Variants in AGXT2 observed in about 807,000 individuals in gnomAD.
AGXT2 encodes alanine--glyoxylate aminotransferase 2, mitochondrial.
AGXT2 carries 61 observed loss-of-function variants against 62.5 expected under a neutral mutation model. That is an observed-to-expected ratio of 0.98 (90% CI 0.79 to 1.21). The LOEUF (loss-of-function observed/expected upper bound fraction) is 1.21. Among genes scored for constraint, AGXT2 ranks in the 50% most tolerant of loss-of-function variants. The probability of loss-of-function intolerance (pLI) is 0.00; values close to 1 mark genes in which losing one functional copy is unlikely to be tolerated. For missense variants in AGXT2, 666 were observed against 641.5 expected (o/e 1.04, Z -0.41); for synonymous variants, 243 against 218.7 (o/e 1.11, Z -0.98).
chr5:35,006,896 C>T (rs1356359604), intron 12 of AGXT2, among the ~76,000 whole-genome samples: 1 of 152,136 alleles, frequency 6.6e-6, no homozygotes. Context: ...ACACAAAGCA[C>T]TTACCATCTG....
chr5:35,017,082 C>G (rs1766870339), intron 9 of AGXT2, among the ~76,000 whole-genome samples: 1 of 152,148 alleles, frequency 6.6e-6, no homozygotes, highest in East Asian at 1.9e-4. Flanking sequence ...ATTAAGATGA[C>G]TTGTGTAAGA....
In AGXT2 at chr5:35,004,492, T is replaced by G. The variant is rs114882522; in HGVS notation, c.1339-631A>C. ...AGCCATTCAGAGCAGGTCCCCTCCC[T>G]GTGGGGTCAGACATTGGGCTGACTT... On this transcript the variant is annotated intron_variant, in intron 12 of 13. Coordinates refer to ENST00000231420, the MANE Select transcript of AGXT2 (RefSeq NM_031900.4). 7.5e-3 allele frequency among the ~76,000 whole-genome samples: 1,146 copies of G among 152,306 alleles called. 15 individuals are homozygous for G. The highest frequency in any genetic ancestry group is 0.027 in the African/African-American group (1,106 of 41,560).
intron 1 of AGXT2, among the ~76,000 whole-genome samples, chr5:35,042,888 G>A (rs901629594): frequency 2.0e-5 from 3 of 152,148 alleles, no homozygotes; most frequent in Non-Finnish European, 2.9e-5. Context: ...TTAACTAATC[G>A]GATAGTGCCT....
At chr5:35,003,727 C>T in intron 13 of AGXT2, 36 bp downstream of exon 13, 1 of 1,569,778 alleles carries the variant, frequency 6.4e-7, no homozygotes, top group South Asian at 1.1e-5. Flanking sequence ...GAGACTCCTA[C>T]CTAGAGCGAT....
intron 12 of AGXT2, among the ~76,000 whole-genome samples, chr5:35,005,151 G>A (rs542529797): frequency 6.6e-6 from 1 of 152,318 alleles, no homozygotes; most frequent in Admixed American, 6.5e-5. Flanking sequence ...CATTAAATAT[G>A]ATTTGAGAGG....
At chr5:35,038,256 CA>C (rs1185134749) in intron 3 of AGXT2, among the ~76,000 whole-genome samples, 2 of 152,156 alleles carry the variant, frequency 1.3e-5, no homozygotes, top group Non-Finnish European at 2.9e-5. Context: ...AAAGAAGAGA[CA>C]TTTGACAAAA....
In AGXT2 at chr5:35,032,789, C is replaced by T. The variant is rs1309440229; in HGVS notation, c.712G>A (p.Gly238Arg). 7 of 1,608,800 alleles carry T rather than the reference C, an allele frequency of 4.4e-6. No homozygotes were observed. In the Admixed American group the frequency reaches 6.7e-5, roughly 15 times the overall value. The change falls in exon 7 of 14, where the codon GGA (glycine) becomes AGA (arginine). Residue 238 changes from glycine to arginine, a missense_variant. Transcript: ENST00000231420. ...ACTGGAGAATCTCGACAGTGGCTTC[C>T]TCCCCAAGGGCCACGAAAAACATCT... ...CPDVFRGPWG[G>R]SHCRDSPVQT...
chr5:35,012,174 C>T (rs1319404640), intron 11 of AGXT2, among the ~76,000 whole-genome samples: 1 of 151,892 alleles, frequency 6.6e-6, no homozygotes, highest in Non-Finnish European at 1.5e-5. Flanking sequence ...TCAGACTTCA[C>T]CACTATACAA....
chr5:35,009,718 A>G (rs1454260526), intron 12 of AGXT2, among the ~76,000 whole-genome samples: 1 of 151,980 alleles, frequency 6.6e-6, no homozygotes, highest in Non-Finnish European at 1.5e-5. Context: ...CCTTCCCTGT[A>G]TTTCTAAGTA....
At chr5:35,021,722 T>G (rs1767099746) in intron 9 of AGXT2, among the ~76,000 whole-genome samples, 1 of 151,944 alleles carries the variant, frequency 6.6e-6, no homozygotes, top group African/African-American at 2.4e-5. Context: ...AATTGACAAA[T>G]GGGATCTAAT....
At chr5:35,045,389 G>T (rs37377) in intron 1 of AGXT2, among the ~76,000 whole-genome samples, 128,182 of 152,122 alleles carry the variant, frequency 0.84, 54,599 homozygotes, top group Middle Eastern at 0.91. Flanking sequence ...CATGGCATGT[G>T]TCTCTATTGG....
At chr5:35,012,052 T>A (rs1312353469) in intron 11 of AGXT2, among the ~76,000 whole-genome samples, 3 of 151,694 alleles carry the variant, frequency 2.0e-5, no homozygotes, top group Non-Finnish European at 4.4e-5. Flanking sequence ...AAGCTATGGG[T>A]ACACAATAGA....
intron 9 of AGXT2, among the ~76,000 whole-genome samples, chr5:35,015,487 A>G (rs186905319): frequency 5.8e-4 from 88 of 152,182 alleles, no homozygotes; most frequent in African/African-American, 2.1e-3. Context: ...CTCTCCACAC[A>G]TACACAAAAT....
chr5:35,041,660 G>T (rs1208259994), intron 1 of AGXT2, among the ~76,000 whole-genome samples: 2 of 152,144 alleles, frequency 1.3e-5, no homozygotes, highest in East Asian at 3.9e-4. Context: ...TTTTATAGGT[G>T]GAGAGAGCTA....
At chr5:35,040,226 G>A (rs1177821099) in intron 2 of AGXT2, among the ~76,000 whole-genome samples, 1 of 152,200 alleles carries the variant, frequency 6.6e-6, no homozygotes, top group African/African-American at 2.4e-5. Context: ...ACATGAGTCA[G>A]TTAAAACAGG....
At chr5:35,013,840 A>T (rs943211210) in intron 10 of AGXT2, 147 bp downstream of exon 10, 1 of 1,235,100 alleles carries the variant, frequency 8.1e-7, no homozygotes, top group Non-Finnish European at 1.2e-6. Context: ...TCAGGCAGAC[A>T]GACTGTTTCT....
At chr5:35,018,232 G>T (rs1349849507) in intron 9 of AGXT2, among the ~76,000 whole-genome samples, 1 of 152,070 alleles carries the variant, frequency 6.6e-6, no homozygotes. Flanking sequence ...ATGTCACAAA[G>T]ATACTCCTTG....
intron 1 of AGXT2, among the ~76,000 whole-genome samples, chr5:35,043,763 T>G (rs895885037): frequency 2.6e-5 from 4 of 152,182 alleles, no homozygotes; most frequent in African/African-American, 9.7e-5. Context: ...GAATCTCTGC[T>G]CATTGCAACC....
chr5:35,025,733 C>T, intron 9 of AGXT2, 30 bp downstream of exon 9: 1 of 1,607,772 alleles, frequency 6.2e-7, no homozygotes, highest in Non-Finnish European at 8.5e-7. Context: ...GTTCCCACTG[C>T]ACTCAATGGC....
Sources: allele counts gnomAD v4.1 joint callset (sites outside exome capture counted in the v4.1 genomes callset), GRCh38; gene constraint gnomAD v4.1.1; transcripts MANE v1.5; gene names NCBI Gene and HGNC (gene_info 2026-07-23, HGNC 2026-07-21).